Variants in CDIP1 observed in about 807,000 individuals in gnomAD.
CDIP1 encodes the protein cell death-inducing p53-target protein 1.
A neutral mutation model predicts 17.7 loss-of-function variants in CDIP1; 9 were observed. The ratio of observed to expected loss-of-function variants is 0.51; its 90% CI spans 0.31 to 0.89. The LOEUF is 0.89. Ranked by LOEUF, CDIP1 falls within the 40% of genes least tolerant of loss-of-function variation. The probability of loss-of-function intolerance (pLI) is 0.05; values close to 1 mark genes in which losing one functional copy is unlikely to be tolerated. For synonymous variants in CDIP1, 117 were observed against 109.5 expected (o/e 1.07, Z -0.43); for missense variants, 263 against 277.9 (o/e 0.95, Z 0.38).
Position 4,512,645 on chromosome 16 carries a change from T to C in CDIP1, c.554A>G (p.Asn185Ser), listed in dbSNP as rs770633589. 33 of 1,613,872 alleles carry C rather than the reference T, an allele frequency of 2.0e-5. No homozygotes were observed. The highest frequency in any genetic ancestry group is 2.3e-5 in the Non-Finnish European group (27 of 1,179,932). The part of the protein sequence containing the change: ...LGCCLIPCLI[N>S]DFKDVTHTCP... ...TGTGTGCGTCACATCCTTGAAGTCA[T>C]TGATGAGGCAGGGGATCAGGCAGCA... The change falls in exon 6 of 6, where the codon AAT becomes AGT. Residue 185 changes from asparagine (N) to serine (S), a missense_variant. Coordinates refer to ENST00000567695, the MANE Select transcript of CDIP1 (RefSeq NM_013399.3). The surrounding 1 kb of genome is among the most constrained non-coding windows in gnomAD (Gnocchi z 4.6).
At chr16:4,520,503 G>A (rs2058934908) in intron 1 of CDIP1, among the ~76,000 whole-genome samples, 1 of 152,132 alleles carries the variant, frequency 6.6e-6, no homozygotes, top group African/African-American at 2.4e-5. Context: ...GGTGTACCTT[G>A]CATTTGGAAT....
intron 1 of CDIP1, among the ~76,000 whole-genome samples, chr16:4,521,246 A>C (rs4786510): frequency 2.0e-5 from 3 of 151,858 alleles, no homozygotes; most frequent in African/African-American, 7.3e-5. Flanking sequence ...ACAAACAAAG[A>C]GGCATGGTAA....
At chr16:4,533,422 T>C (rs767679071) in intron 1 of CDIP1, 5 of 152,406 alleles carry the variant, frequency 3.3e-5, no homozygotes, top group African/African-American at 4.8e-5. Context: ...GGCTGCAGCT[T>C]GGCTGCTGCT....
intron 1 of CDIP1, chr16:4,523,954 TCTC>T (rs780796947): frequency 1.3e-5 from 2 of 152,210 alleles, no homozygotes; most frequent in East Asian, 1.9e-4. Context: ...CCCAGGCCCT[TCTC>T]CTCAGGCTTT....
At chr16:4,518,780 C>T (rs758782976) in intron 1 of CDIP1, among the ~76,000 whole-genome samples, 1 of 152,212 alleles carries the variant, frequency 6.6e-6, no homozygotes, top group African/African-American at 2.4e-5. Context: ...TTCAATCACA[C>T]GATCAGAAGC....
At position 4,522,778 on chromosome 16, in the gene CDIP1, T is replaced by G. The variant is rs1425118747; in HGVS notation, c.-104-8114A>C. 2.0e-5 allele frequency among the ~76,000 whole-genome samples: 3 copies of G among 152,318 alleles called. No homozygotes were observed. In the East Asian group the frequency reaches 5.8e-4, roughly 29 times the overall value. ...GCTCTCAGTCCAGATAGCAGCACCC[T>G]GCAGGGACAGGGCAGCGGGAAAAGG... On this transcript the variant is annotated intron_variant, in intron 1 of 5. Transcript: ENST00000567695.
chr16:4,520,494 G>C (rs1020009732), intron 1 of CDIP1, among the ~76,000 whole-genome samples: 2 of 152,162 alleles, frequency 1.3e-5, no homozygotes, highest in Admixed American at 6.5e-5. Context: ...GAAGTCATTG[G>C]TGTACCTTGC....
chr16:4,514,487 T>C lies in CDIP1; in HGVS notation c.-15+88A>G. 1 of 241,204 alleles carries C rather than the reference T, an allele frequency of 4.1e-6. No homozygotes were observed. Among genetic ancestry groups the C allele is most frequent in the Non-Finnish European group, 7.9e-6 (1 of 126,422 alleles). The allele number at this position is 241,204 out of a possible 1,614,324, so 14.9% of individuals were successfully genotyped here. On this transcript the variant is annotated intron_variant, in intron 2 of 5. Transcript: ENST00000567695. The surrounding 1 kb of genome is among the most constrained non-coding windows in gnomAD (Gnocchi z 5.2). Reference sequence around the variant, plus strand: ...CCGAGCTCTCCCCTCCCCAAACGTTTAGCGGGCACTAAGGCAGTCGGAGGA... The same window carrying C: ...CCGAGCTCTCCCCTCCCCAAACGTTCAGCGGGCACTAAGGCAGTCGGAGGA...
At chr16:4,521,179 T>C (rs1050572040) in intron 1 of CDIP1, among the ~76,000 whole-genome samples, 2 of 152,036 alleles carry the variant, frequency 1.3e-5, no homozygotes, top group African/African-American at 4.8e-5. Flanking sequence ...CTTGAGTCAG[T>C]GCAGGCCCCA....
intron 1 of CDIP1, among the ~76,000 whole-genome samples, chr16:4,521,847 T>G (rs1335061546): frequency 6.6e-6 from 1 of 151,638 alleles, no homozygotes; most frequent in Non-Finnish European, 1.5e-5. Flanking sequence ...TGCCTACCTC[T>G]CAGGGTGGGA....
chr16:4,523,674 A>C (rs890693697), intron 1 of CDIP1, among the ~76,000 whole-genome samples: 1 of 152,186 alleles, frequency 6.6e-6, no homozygotes, highest in Non-Finnish European at 1.5e-5. Context: ...GAAGGACAGC[A>C]AGATCGCCGT....
In CDIP1 at chr16:4,518,474, C is replaced by T. The variant is rs115154914; in HGVS notation, c.-104-3810G>A. ...AGCCCACCTTCTCTTTGCCCCTCAC[C>T]GGGGGCCGCAGGGCCCTGTTGCTCC... On this transcript the variant is annotated intron_variant, in intron 1 of 5. Transcript: ENST00000567695. Among the ~76,000 whole-genome samples, 947 of 152,282 alleles carry T rather than the reference C, an allele frequency of 6.2e-3. 11 individuals carry two copies. The highest frequency in any genetic ancestry group is 0.02 in the African/African-American group (830 of 41,568).
chr16:4,525,257 C>A (rs936255002), intron 1 of CDIP1, among the ~76,000 whole-genome samples: 1 of 152,136 alleles, frequency 6.6e-6, no homozygotes, highest in African/African-American at 2.4e-5. Context: ...TACTCCCTGG[C>A]GGGAAGGCTG....
At chr16:4,518,691 G>A (rs1394128763) in intron 1 of CDIP1, among the ~76,000 whole-genome samples, 1 of 152,220 alleles carries the variant, frequency 6.6e-6, no homozygotes, top group Non-Finnish European at 1.5e-5. Context: ...TTCTCCCAGT[G>A]CCTTCCAATA....
Position 4,512,599 on chromosome 16 carries a change from G to A in CDIP1, c.600C>T (p.Tyr200=), listed in dbSNP as rs755340362. Residue 200 remains tyrosine, a synonymous_variant, in exon 6 of 6, where the codon TAC becomes TAT. Coordinates refer to ENST00000567695, the MANE Select transcript of CDIP1 (RefSeq NM_013399.3). The surrounding 1 kb of genome is among the most constrained non-coding windows in gnomAD (Gnocchi z 4.6). ...VTHTCPSCKA[Y]IYTYKRLC is the part of the protein sequence containing the mutation. ...AGCACAGGCGCTTGTACGTGTAGAT[G>A]TAGGCTTTGCAGCTGGGGCATGTGT... The A allele has an allele frequency of 4.3e-6, 7 of 1,613,072 alleles. No homozygotes were observed. The highest frequency in any genetic ancestry group is 1.1e-5 in the South Asian group (1 of 91,022).
chr16:4,531,305 G>A (rs920635727), intron 1 of CDIP1, among the ~76,000 whole-genome samples: 2 of 152,002 alleles, frequency 1.3e-5, no homozygotes, highest in East Asian at 3.9e-4. Context: ...TGGGATTACA[G>A]GTGTGAGGCA....
intron 1 of CDIP1, among the ~76,000 whole-genome samples, chr16:4,516,646 G>A (rs796834581): frequency 1.1e-4 from 17 of 148,526 alleles, no homozygotes; most frequent in East Asian, 4.0e-4. Flanking sequence ...GAGCAACTGC[G>A]CCCAGCCCAT....
intron 1 of CDIP1, chr16:4,523,867 C>G (rs535362553): frequency 1.3e-5 from 2 of 152,504 alleles, no homozygotes; most frequent in South Asian, 4.1e-4. Context: ...TCACAGCGAC[C>G]CAGCCACAGG....
chr16:4,520,782 G>C (rs2058938212), intron 1 of CDIP1, among the ~76,000 whole-genome samples: 1 of 152,196 alleles, frequency 6.6e-6, no homozygotes, highest in Admixed American at 6.5e-5. Flanking sequence ...AAGGTCAGTT[G>C]TTTCCCTTGA....
Sources: gnomAD v4.1 joint callset for allele counts (sites outside exome capture counted in the v4.1 genomes callset) on GRCh38, gnomAD v4.1.1 for gene constraint, Gnocchi (gnomAD v3.1) non-coding constraint, MANE v1.5 for transcripts, NCBI Gene and HGNC (gene_info 2026-07-23, HGNC 2026-07-21) for gene names.